CAMK1D: variants seen among roughly 807,000 people sequenced by gnomAD.
The protein encoded by CAMK1D is calcium/calmodulin-dependent protein kinase type 1D.
A neutral mutation model predicts 47.7 loss-of-function variants in CAMK1D; 9 were observed. The observed-to-expected ratio is 0.19, with a 90% CI of 0.11 to 0.33. CAMK1D has a LOEUF of 0.33. Ranked by LOEUF, CAMK1D falls within the 10% of genes least tolerant of loss-of-function variation. The pLI is 1.00. For synonymous variants in CAMK1D, 184 were observed against 184.9 expected (o/e 0.99, Z 0.04); for missense variants, 291 against 488.7 (o/e 0.60, Z 3.81).
intron 2 of CAMK1D, among the ~76,000 whole-genome samples, chr10:12,564,634 G>A (rs570857514): frequency 6.6e-6 from 1 of 152,116 alleles, no homozygotes; most frequent in Non-Finnish European, 1.5e-5. Flanking sequence ...GTAATAGTTG[G>A]ATAGAATTTG....
At chr10:12,354,314 T>C (rs1837435739) in intron 1 of CAMK1D, among the ~76,000 whole-genome samples, 1 of 152,150 alleles carries the variant, frequency 6.6e-6, no homozygotes, top group African/African-American at 2.4e-5. Flanking sequence ...TTGTGGCCTG[T>C]GGACTGCTTG....
At chr10:12,616,343 G>A (rs1287259366) in intron 2 of CAMK1D, among the ~76,000 whole-genome samples, 1 of 152,184 alleles carries the variant, frequency 6.6e-6, no homozygotes, top group Non-Finnish European at 1.5e-5. Flanking sequence ...AATAGGAGTA[G>A]CTAACATTTA....
At chr10:12,810,151 T>TTAAAAAA (rs1554829102) in intron 6 of CAMK1D, among the ~76,000 whole-genome samples, 1 of 81,446 alleles carries the variant, frequency 1.2e-5, no homozygotes, top group African/African-American at 6.1e-5. Context: ...CCTGTCTCAT[T>TTAAAAAA]AAAAAAAAAA....
intron 2 of CAMK1D, among the ~76,000 whole-genome samples, chr10:12,582,334 T>G (rs778511203): frequency 6.6e-6 from 1 of 152,214 alleles, no homozygotes; most frequent in Non-Finnish European, 1.5e-5. Context: ...GCCTCCAGAT[T>G]TATTCCTTTT....
At chr10:12,551,302 C>G (rs932069969) in intron 1 of CAMK1D, among the ~76,000 whole-genome samples, 1 of 152,202 alleles carries the variant, frequency 6.6e-6, no homozygotes, top group East Asian at 1.9e-4. Context: ...AGGTTGCACA[C>G]TCTTTATGAG....
intron 3 of CAMK1D, among the ~76,000 whole-genome samples, chr10:12,709,815 T>G (rs1432185196): frequency 6.6e-6 from 1 of 152,236 alleles, no homozygotes; most frequent in African/African-American, 2.4e-5. Flanking sequence ...TTAACTTTTT[T>G]ATTATGTGGT....
At chr10:12,629,138 C>T (rs1839307513) in intron 2 of CAMK1D, among the ~76,000 whole-genome samples, 1 of 152,092 alleles carries the variant, frequency 6.6e-6, no homozygotes, top group African/African-American at 2.4e-5. Flanking sequence ...TTGGGTGAGG[C>T]GGGAGCTTTT....
intron 2 of CAMK1D, among the ~76,000 whole-genome samples, chr10:12,618,987 C>G (rs1692815958): frequency 6.6e-6 from 1 of 152,198 alleles, no homozygotes; most frequent in Non-Finnish European, 1.5e-5. Context: ...ACCCAGTTTT[C>G]TCTTACTCCA....
chr10:12,615,803 TGTG>T (rs1324406793), intron 2 of CAMK1D, among the ~76,000 whole-genome samples: 1 of 150,952 alleles, frequency 6.6e-6, no homozygotes, highest in African/African-American at 2.4e-5. Context: ...AGGTATGTGT[TGTG>T]TGCGTGTGTA....
At chr10:12,455,123 G>T (rs1833202868) in intron 1 of CAMK1D, among the ~76,000 whole-genome samples, 1 of 152,174 alleles carries the variant, frequency 6.6e-6, no homozygotes, top group Non-Finnish European at 1.5e-5. Context: ...CTTACCCTAG[G>T]AGGAGCCTCA....
chr10:12,764,386 A>AAAAAAAAAC (rs1340006087), intron 4 of CAMK1D, among the ~76,000 whole-genome samples: 4 of 151,212 alleles, frequency 2.6e-5, no homozygotes, highest in Non-Finnish European at 5.9e-5. Context: ...TGTCTCAAAA[A>AAAAAAAAAC]AAAAAAAAAA....
chr10:12,795,559 G>C (rs1161067006), intron 6 of CAMK1D, among the ~76,000 whole-genome samples: 1 of 152,200 alleles, frequency 6.6e-6, no homozygotes, highest in Non-Finnish European at 1.5e-5. Flanking sequence ...GCAGTGTTTT[G>C]GAGCATAGCA....
intron 3 of CAMK1D, among the ~76,000 whole-genome samples, chr10:12,727,689 G>T (rs533500994): frequency 2.0e-5 from 3 of 151,620 alleles, no homozygotes; most frequent in Non-Finnish European, 4.4e-5. Context: ...AGAATCTGGC[G>T]TATCACAATA....
At chr10:12,793,920 G>A (rs1158907987) in intron 6 of CAMK1D, among the ~76,000 whole-genome samples, 1 of 152,246 alleles carries the variant, frequency 6.6e-6, no homozygotes, top group African/African-American at 2.4e-5. Context: ...ACATCAGAAA[G>A]CGACATGCAA....
At chr10:12,417,416 G>A (rs968771966) in intron 1 of CAMK1D, among the ~76,000 whole-genome samples, 1 of 152,190 alleles carries the variant, frequency 6.6e-6, no homozygotes, top group Non-Finnish European at 1.5e-5. Context: ...GAGAAAACAG[G>A]TTCGAGAGAA....
chr10:12,469,882 G>T (rs188232427), intron 1 of CAMK1D, among the ~76,000 whole-genome samples: 2 of 151,656 alleles, frequency 1.3e-5, no homozygotes. Flanking sequence ...TTTTCCTGTT[G>T]TCACTTTTTT....
chr10:12,552,575 G>A lies in CAMK1D; in HGVS notation c.93-650G>A, dbSNP rs528691363. Among the ~76,000 whole-genome samples the A allele has an allele frequency of 3.3e-5, 5 of 152,296 alleles. No individual in the cohort carries two copies. In the South Asian group the frequency reaches 1.0e-3, roughly 32 times the overall value. ...CGGCAGAAGGATCCAGTCCTTTTCTGTAGGAGGAACCTCTTGTGGGAGCGT... is the reference window on the plus strand; with the variant it reads ...CGGCAGAAGGATCCAGTCCTTTTCTATAGGAGGAACCTCTTGTGGGAGCGT... On this transcript the variant is annotated intron_variant, in intron 1 of 10. Transcript: ENST00000619168.
chr10:12,802,096 A>T (rs1370884251), intron 6 of CAMK1D, among the ~76,000 whole-genome samples: 1 of 152,258 alleles, frequency 6.6e-6, no homozygotes. Flanking sequence ...TTATTCAGTT[A>T]TCAGTGTGAA....
chr10:12,578,284 G>T (rs1033878201), intron 2 of CAMK1D, among the ~76,000 whole-genome samples: 1 of 152,176 alleles, frequency 6.6e-6, no homozygotes, highest in East Asian at 1.9e-4. Context: ...AGTGGCTCAC[G>T]CCTGTAATCC....
Sources: allele counts gnomAD v4.1 joint callset (sites outside exome capture counted in the v4.1 genomes callset), GRCh38; gene constraint gnomAD v4.1.1; transcripts MANE v1.5; gene names NCBI Gene and HGNC (gene_info 2026-07-23, HGNC 2026-07-21).